The following NRXN1 variants were observed in gnomAD, a reference collection of about 807,000 sequenced individuals.
NRXN1 encodes the protein neurexin 1, also known as neurexin-1.
A neutral mutation model predicts 150.9 loss-of-function variants in NRXN1; 39 were observed. The observed-to-expected ratio is 0.26, with a 90% CI of 0.20 to 0.34. The LOEUF (loss-of-function observed/expected upper bound fraction) is 0.34. Ranked by LOEUF, NRXN1 falls within the 10% of genes least tolerant of loss-of-function variation. NRXN1 has a pLI of 1.00. For missense variants in NRXN1, 1,815 were observed against 1,949.9 expected (o/e 0.93, Z 1.30); for synonymous variants, 924 against 757.0 (o/e 1.22, Z -3.62).
At chr2:50,197,501 G>A (rs748973073) in intron 18 of NRXN1, among the ~76,000 whole-genome samples, 29 of 151,984 alleles carry the variant, frequency 1.9e-4, no homozygotes, top group African/African-American at 5.3e-4. Context: ...TGATGTCTAC[G>A]TTACAGAGAT....
At chr2:50,702,915 T>C (rs1693951190) in intron 5 of NRXN1, among the ~76,000 whole-genome samples, 1 of 152,062 alleles carries the variant, frequency 6.6e-6, no homozygotes, top group Non-Finnish European at 1.5e-5. Flanking sequence ...AATTCCCCTA[T>C]CAGGATGCCC....
intron 17 of NRXN1, among the ~76,000 whole-genome samples, chr2:50,330,587 T>A (rs2076775864): frequency 6.6e-6 from 1 of 152,142 alleles, no homozygotes; most frequent in Non-Finnish European, 1.5e-5. Context: ...CACAGTAGTA[T>A]AAATTAAGCA....
At position 50,680,085 on chromosome 2, in the gene NRXN1, C is replaced by T. The variant is rs184398162; in HGVS notation, c.833-56470G>A. 4.3e-3 allele frequency among the ~76,000 whole-genome samples: 652 copies of T among 152,058 alleles called. 4 individuals carry two copies. Among genetic ancestry groups the T allele is most frequent in the African/African-American group, 0.015 (605 of 41,492 alleles). ...GATTGTTTGAGCCTAGGAGGTTGAG[C>T]CTGCAGTGAGCTGTGATTGCACCTC... is the stretch of plus-strand genomic sequence containing the variant. On this transcript the variant is annotated intron_variant, in intron 5 of 22. Coordinates refer to ENST00000401669, the MANE Select transcript of NRXN1 (RefSeq NM_001330078.2).
In NRXN1 at chr2:50,103,966, T is replaced by C. The variant is rs139837969; in HGVS notation, c.3547-12472A>G. Among the ~76,000 whole-genome samples the C allele has an allele frequency of 4.1e-4, 62 of 152,136 alleles. No individual in the cohort carries two copies. The East Asian group carries it at 5.0e-3, about 12-fold the overall frequency. ...CATGTTCTGACCCATCTCAGGCCCA[T>C]TGCTCTTCCTTCTGCCTGGTTAGCT... On this transcript the variant is annotated intron_variant, in intron 18 of 22. Transcript: ENST00000401669.
intron 2 of NRXN1, among the ~76,000 whole-genome samples, chr2:50,991,917 C>A (rs1464549854): frequency 6.6e-6 from 1 of 151,970 alleles, no homozygotes; most frequent in Non-Finnish European, 1.5e-5. Context: ...GAATTTCCGC[C>A]ATTATTTTCT....
chr2:50,018,283 G>C (rs1304499789), intron 21 of NRXN1, among the ~76,000 whole-genome samples: 1 of 152,066 alleles, frequency 6.6e-6, no homozygotes, highest in African/African-American at 2.4e-5. Flanking sequence ...TCTTTGTCTT[G>C]ACATTAATGA....
chr2:50,427,871 C>T (rs1379985295), intron 17 of NRXN1, among the ~76,000 whole-genome samples: 1 of 152,098 alleles, frequency 6.6e-6, no homozygotes, highest in Non-Finnish European at 1.5e-5. Flanking sequence ...GAGAAAAATG[C>T]CTGACTTTAG....
intron 5 of NRXN1, among the ~76,000 whole-genome samples, chr2:50,695,469 G>A (rs1291265999): frequency 6.6e-6 from 1 of 152,054 alleles, no homozygotes. Context: ...TTAACTATGG[G>A]TAATCCCTTA....
chr2:50,026,819 T>G (rs1231095111), intron 21 of NRXN1, among the ~76,000 whole-genome samples: 1 of 151,142 alleles, frequency 6.6e-6, no homozygotes, highest in East Asian at 1.9e-4. Flanking sequence ...TTCATGATAT[T>G]TATGTGCTAC....
At chr2:50,920,267 A>T (rs895403879) in intron 5 of NRXN1, among the ~76,000 whole-genome samples, 3 of 151,834 alleles carry the variant, frequency 2.0e-5, no homozygotes, top group African/African-American at 7.2e-5. Context: ...ATAATGTTTG[A>T]CACACATGCC....
At chr2:50,956,877 T>C (rs1034881135) in intron 2 of NRXN1, among the ~76,000 whole-genome samples, 1 of 152,060 alleles carries the variant, frequency 6.6e-6, no homozygotes, top group Non-Finnish European at 1.5e-5. Context: ...TCAGCCCCAG[T>C]TTACATACAC....
At chr2:50,579,229 G>A (rs1487898186) in intron 8 of NRXN1, among the ~76,000 whole-genome samples, 3 of 152,132 alleles carry the variant, frequency 2.0e-5, no homozygotes, top group Non-Finnish European at 4.4e-5. Flanking sequence ...CTGATTATTA[G>A]CTATTGTTTT....
chr2:49,990,200 G>C (rs1186095530), intron 21 of NRXN1, among the ~76,000 whole-genome samples: 5 of 152,086 alleles, frequency 3.3e-5, no homozygotes, highest in Admixed American at 1.3e-4. Flanking sequence ...TGAACAATCA[G>C]AAGGAGCCAA....
At position 50,346,630 on chromosome 2, in the gene NRXN1, T is replaced by G; in HGVS notation, c.3365-109660A>C. The G allele has an allele frequency of 1.3e-6, 2 of 1,563,206 alleles. No homozygotes were observed. Among genetic ancestry groups the G allele is most frequent in the Non-Finnish European group, 8.8e-7 (1 of 1,135,730 alleles). ...TGAGCCTTAGGAGCCCAGGAGCGAG[T>G]GCAGGGTAGAAAGAGGGGAGCGAGG... On this transcript the variant is annotated intron_variant, in intron 17 of 22. Transcript: ENST00000401669. This position sits in a 1 kb window ranked among gnomAD's most constrained non-coding sequence, Gnocchi z 5.0.
At chr2:50,207,700 A>G (rs1212995467) in intron 18 of NRXN1, 1 of 168,588 alleles carries the variant, frequency 5.9e-6, no homozygotes, top group Non-Finnish European at 1.5e-5. Context: ...ATCATTGAAG[A>G]GTCTAAACTC....
intron 18 of NRXN1, among the ~76,000 whole-genome samples, chr2:50,105,906 T>A (rs1007054957): frequency 6.6e-6 from 1 of 151,924 alleles, no homozygotes; most frequent in Non-Finnish European, 1.5e-5. Context: ...CTATTCCTTT[T>A]ATCATAATAA....
chr2:50,052,370 A>G (rs1409652484), intron 21 of NRXN1, among the ~76,000 whole-genome samples: 1 of 152,132 alleles, frequency 6.6e-6, no homozygotes, highest in Non-Finnish European at 1.5e-5. Context: ...ATAATACACA[A>G]TTCTGAAAAA....
chr2:50,826,839 C>T (rs1411971952), intron 5 of NRXN1, among the ~76,000 whole-genome samples: 1 of 152,048 alleles, frequency 6.6e-6, no homozygotes, highest in African/African-American at 2.4e-5. Flanking sequence ...GAGCTCATTG[C>T]AGAGATCAGG....
rs1312915911 is a variant in NRXN1, at chr2:50,470,166, T to C, written c.3244+2132A>G. On this transcript the variant is annotated intron_variant, in intron 16 of 22. Coordinates refer to ENST00000401669, the MANE Select transcript of NRXN1 (RefSeq NM_001330078.2). ...AACAAATATGTTCCATAAGGGATTG[T>C]AATACCTTTCTTTAAAAAATAAAAT... Among the ~76,000 whole-genome samples, 5 of 151,748 alleles carry C rather than the reference T, an allele frequency of 3.3e-5. No homozygotes were observed. In the East Asian group the frequency reaches 9.7e-4, roughly 29 times the overall value.
Sources: gnomAD v4.1 joint callset for allele counts (sites outside exome capture counted in the v4.1 genomes callset) on GRCh38, gnomAD v4.1.1 for gene constraint, Gnocchi (gnomAD v3.1) non-coding constraint, MANE v1.5 for transcripts, NCBI Gene and HGNC (gene_info 2026-07-23, HGNC 2026-07-21) for gene names.